The following ZNF423 variants were observed in gnomAD, a reference collection of about 807,000 sequenced individuals.
ZNF423 encodes Ebf-associated zinc finger protein.
Under a neutral mutation model 95.8 loss-of-function variants are expected in ZNF423, and 12 were observed. The observed-to-expected ratio is 0.13, with a 90% CI of 0.08 to 0.20. ZNF423 has a LOEUF of 0.20. Ranked by LOEUF, ZNF423 falls within the 10% of genes least tolerant of loss-of-function variation. The pLI, the probability that ZNF423 is intolerant of heterozygous loss-of-function variation, is 1.00. For synonymous variants in ZNF423, 749 were observed against 711.9 expected, an observed-to-expected ratio of 1.05 and a Z score of -0.83; for missense variants, 1,316 against 1,737.1, an observed-to-expected ratio of 0.76 and a Z score of 4.31.
intron 5 of ZNF423, among the ~76,000 whole-genome samples, chr16:49,625,013 A>T (rs1422390881): frequency 6.6e-6 from 1 of 152,272 alleles, no homozygotes; most frequent in Non-Finnish European, 1.5e-5. Context: ...TTTGTAAACC[A>T]GTACTCCGAT....
intron 3 of ZNF423, among the ~76,000 whole-genome samples, chr16:49,646,081 C>A (rs572157781): frequency 6.6e-6 from 1 of 152,296 alleles, no homozygotes; most frequent in Non-Finnish European, 1.5e-5. Context: ...GAATCTCCAG[C>A]CAGATAGGTC....
intron 4 of ZNF423, among the ~76,000 whole-genome samples, chr16:49,631,623 C>T (rs1209960610): frequency 1.3e-5 from 2 of 152,156 alleles, no homozygotes; most frequent in Non-Finnish European, 2.9e-5. Flanking sequence ...AGAGGGGGGC[C>T]CCGGGCAGGA....
chr16:49,700,611 A>G (rs1207897007), intron 3 of ZNF423, among the ~76,000 whole-genome samples: 6 of 152,232 alleles, frequency 3.9e-5, no homozygotes, highest in Non-Finnish European at 8.8e-5. Flanking sequence ...AGGGGAAGCA[A>G]TGCTCAGGAA....
At chr16:49,702,694 G>C (rs1406872462) in intron 3 of ZNF423, among the ~76,000 whole-genome samples, 1 of 152,232 alleles carries the variant, frequency 6.6e-6, no homozygotes, top group Non-Finnish European at 1.5e-5. Context: ...AGGCTGAGAG[G>C]CTCCGAGGAA....
intron 5 of ZNF423, among the ~76,000 whole-genome samples, chr16:49,622,362 A>T: frequency 1.0e-5 from 1 of 95,388 alleles, no homozygotes. Context: ...CCCCATTCTC[A>T]CTCCCCACAA....
intron 1 of ZNF423, among the ~76,000 whole-genome samples, chr16:49,793,064 G>T (rs1005176136): frequency 2.6e-5 from 4 of 152,100 alleles, no homozygotes; most frequent in African/African-American, 9.7e-5. Context: ...CACCACGCCT[G>T]GTTTTTATAC....
chr16:49,850,520 C>A (rs1457177679), intron 1 of ZNF423, among the ~76,000 whole-genome samples: 2 of 152,210 alleles, frequency 1.3e-5, no homozygotes, highest in African/African-American at 4.8e-5. Flanking sequence ...ACCCTGATAT[C>A]TTCTGCAAAT....
chr16:49,625,776 T>C (rs1323832357), intron 5 of ZNF423, among the ~76,000 whole-genome samples: 1 of 152,212 alleles, frequency 6.6e-6, no homozygotes, highest in Non-Finnish European at 1.5e-5. Flanking sequence ...AAGCGTTCTG[T>C]TTTGACAATG....
chr16:49,849,203 T>C (rs1017121352), intron 1 of ZNF423, among the ~76,000 whole-genome samples: 1 of 152,094 alleles, frequency 6.6e-6, no homozygotes, highest in African/African-American at 2.4e-5. Context: ...ATGACATGAT[T>C]TTCTTATGAG....
rs35458351 is a variant in ZNF423 at position 49,613,889 on chromosome 16, GA to G, written c.3601+12280del. 4.1e-4 allele frequency among the ~76,000 whole-genome samples: 60 copies of G among 148,002 alleles called. 1 individual carries two copies. The highest frequency in any genetic ancestry group is 1.3e-3 in the South Asian group (6 of 4,722). On this transcript the variant is annotated intron_variant, in intron 5 of 7. Coordinates refer to ENST00000563137, the MANE Select transcript of ZNF423 (RefSeq NM_001379286.1). ...TAAAATAAAACTATAAAACTTTCAGGAAAAAAAAAATAGGAGAAAATCTTTG... is the reference window on the plus strand; with the variant it reads ...TAAAATAAAACTATAAAACTTTCAGGAAAAAAAAATAGGAGAAAATCTTTG...
intron 5 of ZNF423, among the ~76,000 whole-genome samples, chr16:49,595,468 G>C (rs1451585051): frequency 3.9e-5 from 6 of 152,200 alleles, no homozygotes; most frequent in African/African-American, 1.4e-4. Context: ...TAGCCTGACT[G>C]ATTAATAGGG....
chr16:49,651,528 C>G (rs1198804981), intron 3 of ZNF423, among the ~76,000 whole-genome samples: 1 of 152,162 alleles, frequency 6.6e-6, no homozygotes, highest in East Asian at 1.9e-4. Flanking sequence ...TGAGAGCCGG[C>G]AGCAGGGCTT....
intron 3 of ZNF423, among the ~76,000 whole-genome samples, chr16:49,701,245 C>T (rs775527090): frequency 6.6e-6 from 1 of 152,200 alleles, no homozygotes; most frequent in Non-Finnish European, 1.5e-5. Flanking sequence ...TGCACGTGTG[C>T]GTGCATGCGC....
At chr16:49,570,142 T>C (rs1270020970) in intron 5 of ZNF423, among the ~76,000 whole-genome samples, 7 of 152,192 alleles carry the variant, frequency 4.6e-5, no homozygotes, top group Non-Finnish European at 1.0e-4. Flanking sequence ...ACTCGTGAGA[T>C]GCATTTGGTA....
chr16:49,674,546 G>C (rs1459736154), intron 3 of ZNF423, among the ~76,000 whole-genome samples: 1 of 152,200 alleles, frequency 6.6e-6, no homozygotes, highest in Non-Finnish European at 1.5e-5. Flanking sequence ...AGGCAGTGTG[G>C]CCCAGAGTCC....
intron 5 of ZNF423, among the ~76,000 whole-genome samples, chr16:49,571,815 C>T (rs942264133): frequency 1.1e-4 from 16 of 152,084 alleles, no homozygotes; most frequent in Non-Finnish European, 1.5e-5. Context: ...GACAAGGGAA[C>T]AGGCAGCTGC....
chr16:49,632,698 C>CCA (rs1045177148), intron 4 of ZNF423, among the ~76,000 whole-genome samples: 13 of 152,182 alleles, frequency 8.5e-5, no homozygotes, highest in Non-Finnish European at 2.9e-5. Flanking sequence ...AAAACACAGG[C>CCA]CACAGCAAGG....
At chr16:49,547,805 T>C (rs946100299) in intron 5 of ZNF423, among the ~76,000 whole-genome samples, 4 of 152,236 alleles carry the variant, frequency 2.6e-5, no homozygotes, top group Non-Finnish European at 5.9e-5. Context: ...ACGCCTGGCA[T>C]CTGAAACATC....
intron 3 of ZNF423, among the ~76,000 whole-genome samples, chr16:49,653,563 G>C (rs1973495885): frequency 6.6e-6 from 1 of 152,154 alleles, no homozygotes; most frequent in Non-Finnish European, 1.5e-5. Context: ...ATGCTCAGGA[G>C]CCTCTGAGAA....
Sources: gnomAD v4.1 joint callset for allele counts (sites outside exome capture counted in the v4.1 genomes callset) on GRCh38, gnomAD v4.1.1 for gene constraint, MANE v1.5 for transcripts, NCBI Gene and HGNC (gene_info 2026-07-23, HGNC 2026-07-21) for gene names.